The following FAAH2 variants were observed in gnomAD, a reference collection of about 807,000 sequenced individuals.
FAAH2 encodes fatty-acid amide hydrolase 2.
Under a neutral mutation model 36.9 loss-of-function variants are expected in FAAH2, and 60 were observed. The ratio of observed to expected loss-of-function variants is 1.63; its 90% CI spans 1.32 to 2.02. FAAH2 has a LOEUF of 2.02. FAAH2 is among the 30% of genes most tolerant of loss of function. The pLI is 0.00. For synonymous variants in FAAH2, 214 were observed against 143.8 expected (o/e 1.49, Z -3.49); for missense variants, 689 against 397.5 (o/e 1.73, Z -6.23).
chrX:57,373,018 T>TC (rs2054590095), intron 5 of FAAH2, among the ~76,000 whole-genome samples: 1 of 111,625 alleles, frequency 9.0e-6, no homozygotes, highest in African/African-American at 3.3e-5. Context: ...AATAATGGTC[T>TC]CTAATTCCAT....
the FAAH2 span, among the ~76,000 whole-genome samples, chrX:57,249,860 T>C: frequency 1.8e-5 from 2 of 112,243 alleles, no homozygotes; most frequent in Admixed American, 1.9e-4. Context: ...TGAAGACTAA[T>C]ATTTTACTTG....
intron 2 of FAAH2, among the ~76,000 whole-genome samples, chrX:57,307,002 T>G (rs2052559913): frequency 1.7e-5 from 1 of 57,235 alleles, no homozygotes; most frequent in African/African-American, 4.7e-5. Context: ...CAGATACATA[T>G]ATATATATAT....
At chrX:57,293,153 T>C (rs983783102) in intron 2 of FAAH2, among the ~76,000 whole-genome samples, 1 of 111,334 alleles carries the variant, frequency 9.0e-6, no homozygotes, top group African/African-American at 3.3e-5. Context: ...CGTGTAGCTC[T>C]CAGCCATTCA....
intron 8 of FAAH2, among the ~76,000 whole-genome samples, chrX:57,440,790 T>C (rs773018135): frequency 4.5e-5 from 5 of 111,848 alleles, no homozygotes; most frequent in Non-Finnish European, 9.4e-5. Context: ...ATACCTACTT[T>C]ATGGAGGGTT....
chrX:57,300,896 C>A (rs1171933095), intron 2 of FAAH2, among the ~76,000 whole-genome samples: 1 of 112,118 alleles, frequency 8.9e-6, no homozygotes, highest in Non-Finnish European at 1.9e-5. Context: ...AAATGCAAAT[C>A]AAAACCACAA....
intron 7 of FAAH2, among the ~76,000 whole-genome samples, chrX:57,409,109 G>T (rs750861946): frequency 3.6e-5 from 4 of 111,310 alleles, no homozygotes; most frequent in Non-Finnish European, 7.6e-5. Context: ...GTAAGTATGT[G>T]TTTATCCAAA....
chrX:57,484,555 A>G (rs2057439896), intron 10 of FAAH2, among the ~76,000 whole-genome samples: 3 of 111,907 alleles, frequency 2.7e-5, no homozygotes, highest in African/African-American at 9.7e-5. Flanking sequence ...GCCAGGGAGA[A>G]TGCCTCTCTT....
chrX:57,244,264 G>C, the FAAH2 span, among the ~76,000 whole-genome samples: 7 of 110,715 alleles, frequency 6.3e-5, no homozygotes, highest in African/African-American at 2.3e-4. Context: ...CCAAACCTAT[G>C]TTTGATTGGT....
intron 3 of FAAH2, among the ~76,000 whole-genome samples, chrX:57,329,883 A>G (rs758919095): frequency 9.8e-5 from 11 of 111,910 alleles, no homozygotes; most frequent in African/African-American, 3.6e-4. Flanking sequence ...TGCAATCTCT[A>G]AAGATAAATT....
chrX:57,212,376 AG>A, the FAAH2 span, among the ~76,000 whole-genome samples: 1 of 112,454 alleles, frequency 8.9e-6, no homozygotes, highest in Non-Finnish European at 1.9e-5. Context: ...ACCAAAAACA[AG>A]TCTTCACTAT....
At chrX:57,307,957 G>GCAC (rs2052589853) in intron 2 of FAAH2, among the ~76,000 whole-genome samples, 2 of 109,529 alleles carry the variant, frequency 1.8e-5, no homozygotes, top group African/African-American at 6.6e-5. Flanking sequence ...CATCCATGTT[G>GCAC]CTGCAAAGGA....
intron 7 of FAAH2, among the ~76,000 whole-genome samples, chrX:57,431,498 A>G (rs895423766): frequency 9.0e-5 from 10 of 111,589 alleles, no homozygotes; most frequent in African/African-American, 2.9e-4. Context: ...AAAAGACACA[A>G]CAGTCCCTCA....
intron 8 of FAAH2, among the ~76,000 whole-genome samples, chrX:57,444,309 C>CA (rs1569350257): frequency 8.9e-6 from 1 of 112,038 alleles, no homozygotes. Flanking sequence ...TCAGCAATGG[C>CA]GGATGCCCCT....
intron 9 of FAAH2, among the ~76,000 whole-genome samples, chrX:57,448,256 C>G (rs746330514): frequency 1.8e-5 from 2 of 112,185 alleles, no homozygotes; most frequent in African/African-American, 6.5e-5. Context: ...CAGACATGAG[C>G]CACCATGCTC....
rs146401083 is a variant in FAAH2, at chrX:57,331,604, C to T, written c.419C>T (p.Pro140Leu). ...VKEAFQLQGM[P>L]NSSGLMNRRD... ...TTTTCTGTGACTCTTTTAGGAATGCCCAATTCTTCTGGACTCATGAACCGT... is the reference window on the plus strand; with the variant it reads ...TTTTCTGTGACTCTTTTAGGAATGCTCAATTCTTCTGGACTCATGAACCGT... Residue 140 changes from proline (P) to leucine (L), a missense_variant, in exon 4 of 11, where the codon CCC becomes CTC. Physicochemically the swap from Pro to Leu is moderately conservative, Grantham distance 98. Transcript: ENST00000374900. 181 of 1,203,206 alleles carry T rather than the reference C, an allele frequency of 1.5e-4. No homozygotes were observed. In the African/African-American group the frequency reaches 2.5e-3, roughly 17 times the overall value.
chrX:57,322,261 A>T (rs1207532069), intron 3 of FAAH2, among the ~76,000 whole-genome samples: 1 of 111,697 alleles, frequency 9.0e-6, no homozygotes, highest in African/African-American at 3.3e-5. Context: ...AAGTGCTGGG[A>T]TTACAGGTGT....
Position 57,329,156 on chromosome X carries a change from A to G in FAAH2, c.413-2442A>G, listed in dbSNP as rs184103599. Among the ~76,000 whole-genome samples, 656 of 112,256 alleles carry G rather than the reference A, an allele frequency of 5.8e-3. 3 individuals carry two copies. Among genetic ancestry groups the G allele is most frequent in the Middle Eastern group, 0.018 (4 of 219 alleles). ...GTACCAGGGTGCTGACCTTTGTGAGATCATTCACAGCAATTGGCAATATTG... is the reference window on the plus strand; with the variant it reads ...GTACCAGGGTGCTGACCTTTGTGAGGTCATTCACAGCAATTGGCAATATTG... On this transcript the variant is annotated intron_variant, in intron 3 of 10. Coordinates refer to ENST00000374900, the MANE Select transcript of FAAH2 (RefSeq NM_174912.4).
chrX:57,394,690 T>C, intron 7 of FAAH2: 1 of 904,137 alleles, frequency 1.1e-6, no homozygotes, highest in Non-Finnish European at 1.6e-6. Flanking sequence ...GTTTTTTTTA[T>C]CATCTGGGAC....
At chrX:57,296,890 G>A (rs184142661) in intron 2 of FAAH2, among the ~76,000 whole-genome samples, 26 of 111,035 alleles carry the variant, frequency 2.3e-4, no homozygotes, top group Non-Finnish European at 4.2e-4. Context: ...GAAGCGAGAA[G>A]AGAAGTTTAG....
Sources: gnomAD v4.1 joint callset for allele counts (sites outside exome capture counted in the v4.1 genomes callset) on GRCh38, gnomAD v4.1.1 for gene constraint, MANE v1.5 for transcripts, NCBI Gene and HGNC (gene_info 2026-07-23, HGNC 2026-07-21) for gene names.